CHST8: variants seen among roughly 807,000 people sequenced by gnomAD.
CHST8 encodes the protein GALNAC-4-ST1.
A neutral mutation model predicts 15.0 loss-of-function variants in CHST8; 10 were observed. The ratio of observed to expected loss-of-function variants is 0.67; its 90% CI spans 0.41 to 1.13. The LOEUF is 1.13. Among genes scored for constraint, CHST8 ranks in the 50% most tolerant of loss-of-function variants. The pLI, the probability that CHST8 is intolerant of heterozygous loss-of-function variation, is 0.00. For synonymous variants in CHST8, 259 were observed against 256.6 expected (o/e 1.01, Z -0.09); for missense variants, 634 against 608.2 (o/e 1.04, Z -0.45).
chr19:33,674,380 G>A lies in CHST8; in HGVS notation c.-87+6537G>A, dbSNP rs576777352. On this transcript the variant is annotated intron_variant, in intron 2 of 4. Coordinates refer to ENST00000650847, the MANE Select transcript of CHST8 (RefSeq NM_001127895.2). ...GGGAGGGGCTGGGTCCCACTCGTCT[G>A]TACAGACTGCTCAGCTAATGAGGGG... 2.0e-5 allele frequency among the ~76,000 whole-genome samples: 3 copies of A among 152,356 alleles called. 1 individual carries two copies. The highest frequency in any genetic ancestry group is 1.5e-5 in the Non-Finnish European group (1 of 68,034).
chr19:33,690,656 C>T (rs1351907116), intron 3 of CHST8, among the ~76,000 whole-genome samples: 1 of 152,172 alleles, frequency 6.6e-6, no homozygotes, highest in Non-Finnish European at 1.5e-5. Flanking sequence ...CTGTGCCGGG[C>T]CCCCACAGGT....
chr19:33,758,020 C>T (rs1334510922), intron 3 of CHST8, among the ~76,000 whole-genome samples: 1 of 152,108 alleles, frequency 6.6e-6, no homozygotes, highest in African/African-American at 2.4e-5. Context: ...TATCCAGACC[C>T]TCGGCAGGGA....
At chr19:33,677,428 T>C (rs1446091118) in intron 2 of CHST8, among the ~76,000 whole-genome samples, 4 of 152,168 alleles carry the variant, frequency 2.6e-5, no homozygotes, top group Non-Finnish European at 5.9e-5. Context: ...CCAGACTCCC[T>C]TGGATGTTGT....
intron 1 of CHST8, among the ~76,000 whole-genome samples, chr19:33,650,932 C>T (rs1301243541): frequency 1.3e-5 from 2 of 152,006 alleles, no homozygotes; most frequent in Non-Finnish European, 2.9e-5. Context: ...AACTCCTGAC[C>T]TGAGGTAATC....
At chr19:33,735,000 G>A (rs1568347794) in intron 3 of CHST8, among the ~76,000 whole-genome samples, 2 of 152,166 alleles carry the variant, frequency 1.3e-5, no homozygotes, top group Admixed American at 6.5e-5. Flanking sequence ...TGCATCAAAT[G>A]TCAGATAGGG....
intron 4 of CHST8, 32 bp from the exon 5 acceptor site, chr19:33,771,925 C>G: frequency 1.2e-5 from 18 of 1,526,574 alleles, no homozygotes; most frequent in Middle Eastern, 1.8e-4. Flanking sequence ...CTGTCCTTTC[C>G]ACTCAGATAA....
chr19:33,642,874 C>T (rs73585487), intron 1 of CHST8, among the ~76,000 whole-genome samples: 5,479 of 152,264 alleles, frequency 0.036, 352 homozygotes, highest in African/African-American at 0.13. Flanking sequence ...CCGCACATAA[C>T]CTGTTTAATC....
intron 3 of CHST8, among the ~76,000 whole-genome samples, chr19:33,708,555 C>G (rs1973487894): frequency 6.6e-6 from 1 of 152,198 alleles, no homozygotes; most frequent in African/African-American, 2.4e-5. Context: ...GAGTTTATTT[C>G]TGGAATCTCA....
chr19:33,655,812 T>G (rs893977247), intron 1 of CHST8, among the ~76,000 whole-genome samples: 1 of 152,194 alleles, frequency 6.6e-6, no homozygotes, highest in Non-Finnish European at 1.5e-5. Flanking sequence ...GATTTGTTGA[T>G]TTCATTGGCC....
At chr19:33,694,158 T>C (rs1414848685) in intron 3 of CHST8, among the ~76,000 whole-genome samples, 1 of 93,380 alleles carries the variant, frequency 1.1e-5, no homozygotes, top group Non-Finnish European at 2.1e-5. Flanking sequence ...CAGATTCTAT[T>C]GTAGTTTATT....
chr19:33,735,129 C>T (rs565342368), intron 3 of CHST8, among the ~76,000 whole-genome samples: 55 of 152,332 alleles, frequency 3.6e-4, no homozygotes, highest in Middle Eastern at 3.4e-3. Flanking sequence ...CAAAGGCAAT[C>T]CCTGGAAACA....
At chr19:33,677,668 AT>A (rs1268429661) in intron 2 of CHST8, among the ~76,000 whole-genome samples, 11 of 152,268 alleles carry the variant, frequency 7.2e-5, no homozygotes, top group South Asian at 2.1e-4. Context: ...AGGAGCCCAG[AT>A]ACATAGCATG....
intron 2 of CHST8, among the ~76,000 whole-genome samples, chr19:33,686,105 C>T (rs981901246): frequency 1.3e-5 from 2 of 152,038 alleles, no homozygotes; most frequent in Non-Finnish European, 2.9e-5. Context: ...AGGGGCTAAA[C>T]CCTGAAGCCA....
intron 2 of CHST8, among the ~76,000 whole-genome samples, chr19:33,670,883 A>G (rs370987652): frequency 6.6e-6 from 1 of 152,152 alleles, no homozygotes; most frequent in Non-Finnish European, 1.5e-5. Flanking sequence ...ATAATCTTGC[A>G]AGGTAGCCAC....
At chr19:33,670,042 T>A (rs1972716934) in intron 2 of CHST8, among the ~76,000 whole-genome samples, 1 of 152,180 alleles carries the variant, frequency 6.6e-6, no homozygotes. Flanking sequence ...TGTGTGTGAA[T>A]ACAAGGGGAA....
In CHST8 at chr19:33,659,836, TA is replaced by T. The variant is rs141917446; in HGVS notation, c.-163-7926del. 3.7e-3 allele frequency among the ~76,000 whole-genome samples: 562 copies of T among 152,274 alleles called. 4 individuals are homozygous for T. Among genetic ancestry groups the T allele is most frequent in the African/African-American group, 0.013 (535 of 41,560 alleles). On this transcript the variant is annotated intron_variant, in intron 1 of 4. Transcript: ENST00000650847. ...AAAAAAAAATAAAAATAAAGAGTGT[TA>T]AAAACTTTATGTGTCGAGATTTATC...
At chr19:33,632,628 C>T (rs1033716680) in intron 1 of CHST8, among the ~76,000 whole-genome samples, 1 of 152,150 alleles carries the variant, frequency 6.6e-6, no homozygotes, top group Non-Finnish European at 1.5e-5. Flanking sequence ...GTACCCAGCA[C>T]TGGAGCAGGG....
chr19:33,738,109 AAT>A lies in CHST8; in HGVS notation c.131-33299_131-33298del, dbSNP rs541390508. On this transcript the variant is annotated intron_variant, in intron 3 of 4. Coordinates refer to ENST00000650847, the MANE Select transcript of CHST8 (RefSeq NM_001127895.2). ...TGCTGCTAGAACATTCTGCTAGATA[AAT>A]ATATCATATTCTCTGACTGCTCAAA... is the stretch of plus-strand genomic sequence containing the variant. 2.7e-4 allele frequency among the ~76,000 whole-genome samples: 41 copies of A among 152,322 alleles called. No individual in the cohort carries two copies. The South Asian group carries it at 7.9e-3, about 29-fold the overall frequency.
In CHST8 at chr19:33,666,815, G is replaced by C. The variant is rs543937119; in HGVS notation, c.-163-952G>C. Among the ~76,000 whole-genome samples, 187 of 152,266 alleles carry C rather than the reference G, an allele frequency of 1.2e-3. 1 individual carries two copies. The highest frequency in any genetic ancestry group is 4.4e-3 in the African/African-American group (181 of 41,560). ...CCTCCCGGGTTCAAGCAATTCCCCT[G>C]TCTCAGCCTCCCGCGTAGCTGGGAC... is the stretch of plus-strand genomic sequence containing the variant. On this transcript the variant is annotated intron_variant, in intron 1 of 4. Coordinates refer to ENST00000650847, the MANE Select transcript of CHST8 (RefSeq NM_001127895.2).
Sources: allele counts gnomAD v4.1 joint callset (sites outside exome capture counted in the v4.1 genomes callset), GRCh38; gene constraint gnomAD v4.1.1; transcripts MANE v1.5; gene names NCBI Gene and HGNC (gene_info 2026-07-23, HGNC 2026-07-21).